Variants in CSF1 observed in about 807,000 individuals in gnomAD.
CSF1 encodes macrophage colony-stimulating factor 1.
Under a neutral mutation model 48.9 loss-of-function variants are expected in CSF1, and 9 were observed. That is an observed-to-expected ratio of 0.18 (90% CI 0.11 to 0.32). The LOEUF is 0.32. Among genes scored for constraint, CSF1 ranks in the 10% least tolerant of loss-of-function variants. CSF1 has a pLI of 1.00. For missense variants in CSF1, 672 were observed against 697.9 expected, an observed-to-expected ratio of 0.96 and a Z score of 0.42; for synonymous variants, 305 against 284.1, an observed-to-expected ratio of 1.07 and a Z score of -0.74.
intron 2 of CSF1, among the ~76,000 whole-genome samples, chr1:109,915,168 C>G (rs1654844183): frequency 6.6e-6 from 1 of 152,184 alleles, no homozygotes; most frequent in South Asian, 2.1e-4. Flanking sequence ...CCAAGGTAGA[C>G]CAAGAGCCCC....
chr1:109,916,004 C>T (rs571199609), intron 3 of CSF1, among the ~76,000 whole-genome samples: 10 of 152,016 alleles, frequency 6.6e-5, no homozygotes, highest in African/African-American at 2.2e-4. Context: ...AGGAGCATAG[C>T]TAGTAGGTGC....
chr1:109,922,125 A>C, intron 5 of CSF1, 131 bp downstream of exon 5: 3 of 1,083,684 alleles, frequency 2.8e-6, no homozygotes, highest in Non-Finnish European at 3.9e-6. Flanking sequence ...CGTGTGCATG[A>C]ATGTGCTTGT....
chr1:109,930,476 G>A lies in CSF1; in HGVS notation c.*1638G>A. The A allele has an allele frequency of 6.6e-6, 1 of 152,470 alleles. No individual in the cohort carries two copies. The highest frequency in any genetic ancestry group is 3.3e-3 in the Middle Eastern group (1 of 300). The allele number at this position is 152,470 out of a possible 1,614,324, so 9.4% of individuals were successfully genotyped here. A position where few individuals can be genotyped will look rare whatever the true frequency, so the allele number is the denominator to read the frequency against. ...CCGCTAAGAGACCCTGCCCTACCTG[G>A]CCGCTGGGCCCCGTGACTTTCCCTT... On this transcript the variant is annotated 3_prime_UTR_variant, in exon 9 of 9. Coordinates refer to ENST00000329608, the MANE Select transcript of CSF1 (RefSeq NM_000757.6).
At chr1:109,920,320 T>C (rs1236680664) in intron 4 of CSF1, among the ~76,000 whole-genome samples, 1 of 150,760 alleles carries the variant, frequency 6.6e-6, no homozygotes, top group Admixed American at 6.6e-5. Context: ...CAGGCTGGAG[T>C]GCAGTAGTGC....
In CSF1 at chr1:109,921,813, A is replaced by G. The variant is rs776665315; in HGVS notation, c.397-34A>G. ...AGATGGAGACATGGGGCCAATGGTC[A>G]TGCTCACAAAAGGGGGCCCTGATCT... On this transcript the variant is annotated intron_variant, in intron 4 of 8. Transcript: ENST00000329608. 4 of 1,524,726 alleles carry G rather than the reference A, an allele frequency of 2.6e-6. No homozygotes were observed. In the Admixed American group the frequency reaches 8.2e-5, roughly 31 times the overall value. 94.4% of individuals were successfully genotyped at this position (1,524,726 alleles called of 1,614,324 possible). A position where few individuals can be genotyped will look rare whatever the true frequency, so the allele number is the denominator to read the frequency against.
intron 1 of CSF1, among the ~76,000 whole-genome samples, chr1:109,912,667 GGTT>G (rs1654737699): frequency 6.6e-6 from 1 of 152,210 alleles, no homozygotes; most frequent in Non-Finnish European, 1.5e-5. Flanking sequence ...CCTCCAGGGA[GGTT>G]GTCTTCCTGA....
chr1:109,919,733 T>C (rs1204360826), intron 4 of CSF1, among the ~76,000 whole-genome samples: 1 of 150,396 alleles, frequency 6.6e-6, no homozygotes, highest in Non-Finnish European at 1.5e-5. Context: ...GCCGAGACAG[T>C]GGATCACCTG....
At chr1:109,914,549 C>G (rs1654819279) in intron 2 of CSF1, among the ~76,000 whole-genome samples, 168 bp downstream of exon 2, 1 of 152,242 alleles carries the variant, frequency 6.6e-6, no homozygotes, top group Non-Finnish European at 1.5e-5. Flanking sequence ...CTAACCTTCC[C>G]AAAGTTAGGA....
intron 8 of CSF1, among the ~76,000 whole-genome samples, chr1:109,927,524 C>CT (rs1466857376): frequency 1.3e-5 from 2 of 152,130 alleles, no homozygotes; most frequent in East Asian, 3.9e-4. Flanking sequence ...TCGCCGTGGT[C>CT]TTGGCCCTCT....
At chr1:109,923,101 G>A in intron 5 of CSF1, 65 bp from the exon 6 acceptor site, 2 of 1,448,818 alleles carry the variant, frequency 1.4e-6, no homozygotes, top group Non-Finnish European at 1.9e-6. Flanking sequence ...GGAAAGCTGT[G>A]CTGGAGGCTA....
rs373767428 is a variant in CSF1 at position 109,921,840 on chromosome 1, C to T, written c.397-7C>T. Reference sequence around the variant, plus strand: ...GCTCACAAAAGGGGGCCCTGATCTCCTTCCAGGCCTGCGTCCGAACTTTCT... The same window carrying T: ...GCTCACAAAAGGGGGCCCTGATCTCTTTCCAGGCCTGCGTCCGAACTTTCT... On this transcript the variant is annotated splice_region_variant and splice_polypyrimidine_tract_variant and intron_variant, in intron 4 of 8. Coordinates refer to ENST00000329608, the MANE Select transcript of CSF1 (RefSeq NM_000757.6). The T allele has an allele frequency of 6.4e-6, 10 of 1,562,654 alleles. No homozygotes were observed. In the African/African-American group the frequency reaches 9.5e-5, roughly 15 times the overall value.
chr1:109,915,868 G>A (rs568678865), intron 3 of CSF1, among the ~76,000 whole-genome samples, 172 bp downstream of exon 3: 1 of 152,252 alleles, frequency 6.6e-6, no homozygotes, highest in Admixed American at 6.5e-5. Flanking sequence ...CAAGTCCCCT[G>A]CCATTCCCTT....
chr1:109,913,410 G>A (rs188076917), intron 1 of CSF1, among the ~76,000 whole-genome samples: 95 of 152,316 alleles, frequency 6.2e-4, no homozygotes, highest in African/African-American at 2.2e-3. Context: ...GGGATGAGGA[G>A]ACCCCAGTGA....
At chr1:109,912,476 C>G (rs1386641888) in intron 1 of CSF1, among the ~76,000 whole-genome samples, 1 of 152,134 alleles carries the variant, frequency 6.6e-6, no homozygotes, top group Non-Finnish European at 1.5e-5. Flanking sequence ...GAGTGTTAAC[C>G]CCCCACTGTC....
chr1:109,920,049 T>C (rs1647456723), intron 4 of CSF1, among the ~76,000 whole-genome samples: 1 of 151,946 alleles, frequency 6.6e-6, no homozygotes, highest in Non-Finnish European at 1.5e-5. Flanking sequence ...GGATATTCAC[T>C]TGTAGACATG....
In CSF1 at chr1:109,925,324, GTTCCCTTTCCATACA is replaced by G. The variant is rs1647797659; in HGVS notation, c.*13+124_*13+138del. 2.8e-5 allele frequency: 23 copies of G among 809,988 alleles called. 1 individual carries two copies. The highest frequency in any genetic ancestry group is 1.7e-4 in the African/African-American group (10 of 59,272). 50.2% of individuals were successfully genotyped at this position (809,988 alleles called of 1,614,324 possible). A position where few individuals can be genotyped will look rare whatever the true frequency, so the allele number is the denominator to read the frequency against. ...ACACTGACTCCCATGCCTCTCTCCAGTTCCCTTTCCATACATCGCCAGCCAGGTCCAGCCACCCTC... is the reference window on the plus strand; with the variant it reads ...ACACTGACTCCCATGCCTCTCTCCAGTCGCCAGCCAGGTCCAGCCACCCTC... On this transcript the variant is annotated intron_variant, in intron 8 of 8. Transcript: ENST00000329608.
intron 2 of CSF1, 138 bp downstream of exon 2, chr1:109,914,519 TC>T: frequency 2.0e-6 from 2 of 1,016,100 alleles, no homozygotes; most frequent in Non-Finnish European, 2.7e-6. Context: ...TCCCACTAGC[TC>T]CACCAGTGAT....
intron 6 of CSF1, 90 bp downstream of exon 6, chr1:109,924,280 C>G: frequency 8.6e-7 from 1 of 1,162,224 alleles, no homozygotes; most frequent in South Asian, 1.6e-5. Context: ...AGCTTGGGTG[C>G]GGCCTGAGTT....
intron 4 of CSF1, among the ~76,000 whole-genome samples, chr1:109,919,795 C>T (rs1035748711): frequency 1.3e-5 from 2 of 151,924 alleles, no homozygotes; most frequent in Non-Finnish European, 2.9e-5. Flanking sequence ...CCCATCTTTA[C>T]TAAAAATACA....
Sources: gnomAD v4.1 joint callset for allele counts (sites outside exome capture counted in the v4.1 genomes callset) on GRCh38, gnomAD v4.1.1 for gene constraint, MANE v1.5 for transcripts, NCBI Gene and HGNC (gene_info 2026-07-23, HGNC 2026-07-21) for gene names.